Variants in LRBA observed in about 807,000 individuals in gnomAD.
LRBA encodes the protein LPS responsive beige-like anchor protein, also known as lipopolysaccharide-responsive and beige-like anchor protein.
In LRBA, 176 loss-of-function variants were observed where a neutral mutation model predicts 330.0. The ratio of observed to expected loss-of-function variants is 0.53; its 90% CI spans 0.47 to 0.60. LRBA has a LOEUF of 0.60. LRBA is among the 20% of genes least tolerant of loss of function. The pLI is 0.00. For missense variants in LRBA, 3,259 were observed against 3,444.8 expected, an observed-to-expected ratio of 0.95 and a Z score of 1.35; for synonymous variants, 1,230 against 1,193.0, an observed-to-expected ratio of 1.03 and a Z score of -0.64.
At chr4:150,773,224 T>G (rs979268217) in intron 34 of LRBA, among the ~76,000 whole-genome samples, 54 of 152,226 alleles carry the variant, frequency 3.5e-4, no homozygotes, top group Non-Finnish European at 4.4e-4. Context: ...TCTGTGGAAG[T>G]GAAAAGTGAT....
At chr4:150,429,061 T>G (rs1203815589) in intron 46 of LRBA, among the ~76,000 whole-genome samples, 1 of 152,106 alleles carries the variant, frequency 6.6e-6, no homozygotes, top group Non-Finnish European at 1.5e-5. Flanking sequence ...CTCATGGAGC[T>G]AATGGTCAAG....
Position 150,928,832 on chromosome 4 carries a change from A to G in LRBA, c.448+2T>C. On this transcript the variant is annotated splice_donor_variant, in intron 3 of 56. Coordinates refer to ENST00000651943, the MANE Select transcript of LRBA (RefSeq NM_001364905.1). LOFTEE classifies it high-confidence loss of function. The stretch of plus-strand genomic sequence containing the variant: ...TATATTGTACTATAGAAAAAATCAT[A>G]CCTGCTATCATATTGTCAACTTTTT... The G allele has an allele frequency of 6.2e-7, 1 of 1,607,300 alleles. No homozygotes were observed. The highest frequency in any genetic ancestry group is 8.5e-7 in the Non-Finnish European group (1 of 1,174,250).
At chr4:150,712,605 G>A (rs1425295778) in intron 36 of LRBA, among the ~76,000 whole-genome samples, 1 of 152,062 alleles carries the variant, frequency 6.6e-6, no homozygotes, top group Non-Finnish European at 1.5e-5. Context: ...CTTGTCACCT[G>A]ACAACCAAAT....
intron 37 of LRBA, among the ~76,000 whole-genome samples, chr4:150,665,954 G>A (rs1781517741): frequency 6.6e-6 from 1 of 152,014 alleles, no homozygotes; most frequent in Admixed American, 6.6e-5. Context: ...TATGCTGAGT[G>A]AAAGAAGACA....
intron 48 of LRBA, among the ~76,000 whole-genome samples, chr4:150,347,621 G>A (rs921199687): frequency 1.4e-5 from 2 of 147,160 alleles, no homozygotes; most frequent in African/African-American, 2.5e-5. Flanking sequence ...ACTCCAGCCT[G>A]GGTGAAAGAG....
At chr4:150,850,520 C>G (rs1560912471) in intron 24 of LRBA, among the ~76,000 whole-genome samples, 1 of 152,148 alleles carries the variant, frequency 6.6e-6, no homozygotes, top group African/African-American at 2.4e-5. Flanking sequence ...GAAACCTCTG[C>G]TTTTCACATT....
At chr4:150,300,702 A>G (rs1417573092) in intron 53 of LRBA, among the ~76,000 whole-genome samples, 1 of 152,146 alleles carries the variant, frequency 6.6e-6, no homozygotes, top group Non-Finnish European at 1.5e-5. Context: ...AGGTTGAGTT[A>G]CAAAGTATTT....
intron 36 of LRBA, among the ~76,000 whole-genome samples, chr4:150,690,225 C>T (rs940293141): frequency 6.6e-6 from 1 of 152,030 alleles, no homozygotes; most frequent in Non-Finnish European, 1.5e-5. Flanking sequence ...GAAGGTAGGC[C>T]GGGCGCTGTG....
intron 44 of LRBA, among the ~76,000 whole-genome samples, chr4:150,443,052 A>C (rs1752038848): frequency 6.6e-6 from 1 of 152,186 alleles, no homozygotes; most frequent in Non-Finnish European, 1.5e-5. Context: ...ACAACTCTTA[A>C]TACAAAGACC....
intron 40 of LRBA, among the ~76,000 whole-genome samples, chr4:150,508,245 G>A (rs1340209297): frequency 1.5e-5 from 2 of 137,620 alleles, no homozygotes; most frequent in Non-Finnish European, 3.2e-5. Flanking sequence ...AAAAAAGGGG[G>A]GGGGGGGGAG....
At chr4:150,740,057 T>C (rs769054833) in intron 35 of LRBA, among the ~76,000 whole-genome samples, 20 of 152,162 alleles carry the variant, frequency 1.3e-4, no homozygotes, top group Non-Finnish European at 5.9e-5. Flanking sequence ...CTAAGTAATA[T>C]CATTTCATGT....
chr4:150,442,974 TG>T (rs2152008634), intron 44 of LRBA, among the ~76,000 whole-genome samples: 1 of 152,304 alleles, frequency 6.6e-6, no homozygotes, highest in Admixed American at 6.5e-5. Flanking sequence ...CTGATGACAA[TG>T]CTACTATTTG....
rs137990566 is a variant in LRBA, at chr4:150,859,373, C to T, written c.2767-6430G>A. On this transcript the variant is annotated intron_variant, in intron 22 of 56. Transcript: ENST00000651943. ...CTCATAATTCAGAATAGTTTAAATG[C>T]CTTAATTTAAATTTTAATTAATGAG... Among the ~76,000 whole-genome samples the T allele has an allele frequency of 4.5e-3, 677 of 152,010 alleles. 4 individuals carry two copies. The highest frequency in any genetic ancestry group is 0.016 in the African/African-American group (655 of 41,460).
At chr4:150,725,339 G>A (rs1729529131) in intron 36 of LRBA, among the ~76,000 whole-genome samples, 1 of 152,098 alleles carries the variant, frequency 6.6e-6, no homozygotes, top group African/African-American at 2.4e-5. Context: ...CCTAAATGCA[G>A]CAAGAGAAAA....
intron 30 of LRBA, among the ~76,000 whole-genome samples, chr4:150,823,187 T>C (rs1205835897): frequency 1.3e-5 from 2 of 152,218 alleles, no homozygotes; most frequent in Non-Finnish European, 2.9e-5. Context: ...GAGCATCTTG[T>C]CATAAAATCA....
chr4:150,397,893 T>C (rs1053879251), intron 47 of LRBA, among the ~76,000 whole-genome samples: 18 of 152,196 alleles, frequency 1.2e-4, no homozygotes, highest in African/African-American at 4.3e-4. Context: ...GTGCATATTA[T>C]TAAGTGTTCA....
At chr4:150,834,723 C>T (rs908060287) in intron 28 of LRBA, among the ~76,000 whole-genome samples, 3 of 152,116 alleles carry the variant, frequency 2.0e-5, no homozygotes, top group Admixed American at 6.6e-5. Context: ...CTGTATTAGT[C>T]CCTAACAAGA....
chr4:150,520,250 C>G (rs1234050814), intron 40 of LRBA, among the ~76,000 whole-genome samples: 1 of 152,084 alleles, frequency 6.6e-6, no homozygotes, highest in Non-Finnish European at 1.5e-5. Flanking sequence ...GGCAGCTTGT[C>G]AATTTCTTGA....
chr4:150,315,535 C>G, intron 51 of LRBA, 26 bp downstream of exon 51: 1 of 1,599,716 alleles, frequency 6.3e-7, no homozygotes, highest in Non-Finnish European at 8.6e-7. Flanking sequence ...CTTAATGAAT[C>G]GCAAAGAGAG....
Sources: gnomAD v4.1 joint callset for allele counts (sites outside exome capture counted in the v4.1 genomes callset) on GRCh38, gnomAD v4.1.1 for gene constraint, MANE v1.5 for transcripts, NCBI Gene and HGNC (gene_info 2026-07-23, HGNC 2026-07-21) for gene names.